RAC2: variants seen among roughly 807,000 people sequenced by gnomAD.
RAC2 encodes the protein Rac family small GTPase 2, also known as ras-related C3 botulinum toxin substrate 2.
RAC2 carries 1 observed loss-of-function variant against 24.0 expected under a neutral mutation model. That is an observed-to-expected ratio of 0.04 (90% CI 0.01 to 0.20). RAC2 has a LOEUF of 0.20. Among genes scored for constraint, RAC2 ranks in the 10% least tolerant of loss-of-function variants. The pLI is 1.00. For synonymous variants in RAC2, 114 were observed against 106.8 expected (o/e 1.07, Z -0.41); for missense variants, 130 against 259.1 (o/e 0.50, Z 3.42).
rs778182086 is a variant in RAC2, at chr22:37,232,840, C to T, written c.186G>A (p.Glu62=). ...NLGLWDTAGQ[E]DYDRLRPLSY... is the part of the protein sequence containing the mutation. The stretch of plus-strand genomic sequence containing the variant: ...AGAGCGGCCGGAGACGGTCGTAGTC[C>T]TCCTGCCCAGCAGTGTCCCACAGCC... Residue 62 remains glutamate, a synonymous_variant, in exon 3 of 7, where the codon GAG becomes GAA. Coordinates refer to ENST00000249071, the MANE Select transcript of RAC2 (RefSeq NM_002872.5). 1.1e-5 allele frequency: 18 copies of T among 1,613,974 alleles called. No homozygotes were observed. Among genetic ancestry groups the T allele is most frequent in the Admixed American group, 1.7e-5 (1 of 59,996 alleles).
intron 5 of RAC2, among the ~76,000 whole-genome samples, chr22:37,228,764 G>A (rs1044636427): frequency 2.6e-5 from 4 of 152,230 alleles, no homozygotes; most frequent in Non-Finnish European, 5.9e-5. Flanking sequence ...CCTGGAACAG[G>A]GGAGCCCACT....
intron 2 of RAC2, among the ~76,000 whole-genome samples, chr22:37,234,183 C>T (rs747206961): frequency 6.6e-6 from 1 of 152,222 alleles, no homozygotes; most frequent in Non-Finnish European, 1.5e-5. Context: ...CCACAGCTGG[C>T]GGAAGGCCAG....
At chr22:37,241,543 T>A in intron 2 of RAC2, 44 bp downstream of exon 2, 4 of 1,573,752 alleles carry the variant, frequency 2.5e-6, no homozygotes, top group Non-Finnish European at 3.5e-6. Flanking sequence ...TTGGTGACGG[T>A]CTCTCCCCTC....
In RAC2 at chr22:37,234,323, C is replaced by T. The variant is rs181791842; in HGVS notation, c.108-1405G>A. ...CCAGTTCTTGCTACACACATCCCCGCGAGGAAGGTGCTGGCTACCCACGCT... is the reference window on the plus strand; with the variant it reads ...CCAGTTCTTGCTACACACATCCCCGTGAGGAAGGTGCTGGCTACCCACGCT... On this transcript the variant is annotated intron_variant, in intron 2 of 6. Coordinates refer to ENST00000249071, the MANE Select transcript of RAC2 (RefSeq NM_002872.5). Among the ~76,000 whole-genome samples the T allele has an allele frequency of 1.6e-3, 240 of 152,286 alleles. 1 individual carries two copies. The highest frequency in any genetic ancestry group is 2.7e-3 in the Non-Finnish European group (183 of 68,020).
intron 2 of RAC2, among the ~76,000 whole-genome samples, chr22:37,236,799 T>C (rs1385510653): frequency 6.6e-6 from 1 of 152,062 alleles, no homozygotes; most frequent in Admixed American, 6.5e-5. Flanking sequence ...AGGATTGATG[T>C]CATAGGGGCA....
chr22:37,228,932 C>T (rs1164490412), intron 5 of RAC2, among the ~76,000 whole-genome samples: 1 of 152,206 alleles, frequency 6.6e-6, no homozygotes, highest in African/African-American at 2.4e-5. Flanking sequence ...TGTCATGGGG[C>T]TTGGCTGGCA....
intron 3 of RAC2, 103 bp from the exon 4 acceptor site, chr22:37,232,097 C>A (rs531040974): frequency 1.7e-6 from 2 of 1,191,286 alleles, no homozygotes; most frequent in East Asian, 2.5e-5. Flanking sequence ...GGGTGGAACA[C>A]CCCAGGGAAT....
chr22:37,228,770 C>T (rs575039159), intron 5 of RAC2, among the ~76,000 whole-genome samples: 1 of 152,242 alleles, frequency 6.6e-6, no homozygotes, highest in African/African-American at 2.4e-5. Context: ...ACAGGGGAGC[C>T]CACTGAGGCC....
intron 3 of RAC2, 68 bp downstream of exon 3, chr22:37,232,733 G>A: frequency 7.4e-7 from 1 of 1,356,466 alleles, no homozygotes; most frequent in Non-Finnish European, 1.1e-6. Flanking sequence ...CTGGCTGGAA[G>A]GGCATCCCAA....
In RAC2 at chr22:37,231,632, C is replaced by T; in HGVS notation, c.289-242G>A. ...GGAAAGGAGGAGGCGAGGTTTTGTG[C>T]AGACATAAGAAGCAAACATGAGGTT... is the stretch of plus-strand genomic sequence containing the variant. On this transcript the variant is annotated intron_variant, in intron 4 of 6. Coordinates refer to ENST00000249071, the MANE Select transcript of RAC2 (RefSeq NM_002872.5). The surrounding 1 kb of genome is among the most constrained non-coding windows in gnomAD (Gnocchi z 5.5). The T allele has an allele frequency of 1.7e-6, 1 of 604,096 alleles. No individual in the cohort carries two copies. Among genetic ancestry groups the T allele is most frequent in the South Asian group, 2.0e-5 (1 of 50,742 alleles). 37.4% of individuals were successfully genotyped at this position (604,096 alleles called of 1,614,324 possible).
chr22:37,242,781 C>T (rs745386177), intron 1 of RAC2, among the ~76,000 whole-genome samples: 10 of 152,356 alleles, frequency 6.6e-5, no homozygotes, highest in South Asian at 2.1e-4. Flanking sequence ...CAAATGGGCC[C>T]GCCCCCACCT....
rs1476795074 is a variant in RAC2, at chr22:37,231,358, G to T, written c.321C>A (p.Ser107Arg). ...TGGTGCCCACCAGGATGATGGGTGT[G>T]CTGGGGCAGTGGTGCCGCACTTCTG... ...WFPEVRHHCPSTPIILVGTKL... is the reference protein window; with the variant it reads ...WFPEVRHHCPRTPIILVGTKL... The change falls in exon 5 of 7, where the codon AGC becomes AGA. Residue 107 changes from serine to arginine, a missense_variant. Transcript: ENST00000249071. This position sits in a 1 kb window ranked among gnomAD's most constrained non-coding sequence, Gnocchi z 5.5. The T allele has an allele frequency of 5.6e-6, 9 of 1,614,170 alleles. No homozygotes were observed. The highest frequency in any genetic ancestry group is 7.6e-6 in the Non-Finnish European group (9 of 1,180,040).
At chr22:37,237,161 C>A (rs1429153480) in intron 2 of RAC2, among the ~76,000 whole-genome samples, 2 of 148,686 alleles carry the variant, frequency 1.3e-5, no homozygotes, top group East Asian at 4.1e-4. Flanking sequence ...TGCACTCCAG[C>A]CTGGTGACAC....
At chr22:37,237,609 C>T (rs1927269637) in intron 2 of RAC2, among the ~76,000 whole-genome samples, 1 of 152,082 alleles carries the variant, frequency 6.6e-6, no homozygotes, top group Non-Finnish European at 1.5e-5. Context: ...CGCCAGTTTA[C>T]CGAAGAGAGG....
At chr22:37,234,580 G>A (rs1442135980) in intron 2 of RAC2, among the ~76,000 whole-genome samples, 5 of 152,112 alleles carry the variant, frequency 3.3e-5, no homozygotes, top group African/African-American at 1.2e-4. Flanking sequence ...CTGGTCCACT[G>A]AGACCTCCGG....
In RAC2 at chr22:37,244,002, T is replaced by G. The variant is rs1446050092; in HGVS notation, c.35+112A>C. On this transcript the variant is annotated intron_variant, in intron 1 of 6. Coordinates refer to ENST00000249071, the MANE Select transcript of RAC2 (RefSeq NM_002872.5). ...AAGGAAGCGTCCCCTCCAAGCTGCCTTCCAGGGACGCCTAGTTCTGCAGGG... is the reference window on the plus strand; with the variant it reads ...AAGGAAGCGTCCCCTCCAAGCTGCCGTCCAGGGACGCCTAGTTCTGCAGGG... 24 of 1,454,762 alleles carry G rather than the reference T, an allele frequency of 1.6e-5. 1 individual carries two copies. In the Admixed American group the frequency reaches 3.6e-4, roughly 22 times the overall value. 90.1% of individuals were successfully genotyped at this position (1,454,762 alleles called of 1,614,324 possible).
At chr22:37,238,004 C>T (rs1373754280) in intron 2 of RAC2, among the ~76,000 whole-genome samples, 3 of 151,286 alleles carry the variant, frequency 2.0e-5, no homozygotes, top group Non-Finnish European at 2.9e-5. Flanking sequence ...TGACAGGAAG[C>T]AGGGAGGGTT....
intron 1 of RAC2, among the ~76,000 whole-genome samples, chr22:37,241,876 C>T (rs1193645717): frequency 6.6e-6 from 1 of 152,206 alleles, no homozygotes; most frequent in African/African-American, 2.4e-5. Flanking sequence ...GGGTCCAGCC[C>T]CAGAGATTCT....
chr22:37,227,872 G>A (rs56148284), intron 5 of RAC2, among the ~76,000 whole-genome samples: 286 of 152,248 alleles, frequency 1.9e-3, no homozygotes, highest in Non-Finnish European at 3.1e-3. Context: ...AAGGCCTCCA[G>A]GGCAGGTCTG....
Sources: gnomAD v4.1 joint callset for allele counts (sites outside exome capture counted in the v4.1 genomes callset) on GRCh38, gnomAD v4.1.1 for gene constraint, Gnocchi (gnomAD v3.1) non-coding constraint, MANE v1.5 for transcripts, NCBI Gene and HGNC (gene_info 2026-07-23, HGNC 2026-07-21) for gene names.